Variants in PKHD1L1 observed in about 807,000 individuals in gnomAD.
PKHD1L1 encodes PKHD1 like 1.
In PKHD1L1, 434 loss-of-function variants were observed where a neutral mutation model predicts 462.9. The ratio of observed to expected loss-of-function variants is 0.94; its 90% CI spans 0.87 to 1.02. The LOEUF is 1.02. PKHD1L1 is among the 50% of genes least tolerant of loss of function. PKHD1L1 has a pLI of 0.00. For missense variants in PKHD1L1, 5,202 were observed against 5,096.1 expected (o/e 1.02, Z -0.63); for synonymous variants, 1,781 against 1,750.0 (o/e 1.02, Z -0.44).
At chr8:109,368,983 ATT>A (rs530600117) in intron 2 of PKHD1L1, among the ~76,000 whole-genome samples, 4 of 145,220 alleles carry the variant, frequency 2.8e-5, no homozygotes, top group Admixed American at 1.4e-4. Flanking sequence ...AGAATTACAT[ATT>A]TTTTTTTTTT....
chr8:109,492,819 T>C (rs531140833), intron 62 of PKHD1L1, among the ~76,000 whole-genome samples: 8 of 152,014 alleles, frequency 5.3e-5, no homozygotes, highest in African/African-American at 1.9e-4. Context: ...TTGACTGTTT[T>C]GCTGACACCA....
intron 2 of PKHD1L1, among the ~76,000 whole-genome samples, chr8:109,379,815 CAT>C (rs1812019238): frequency 6.6e-6 from 1 of 152,154 alleles, no homozygotes; most frequent in Non-Finnish European, 1.5e-5. Context: ...ATTCATCAAA[CAT>C]ATTTAGTATA....
chr8:109,399,131 G>T (rs1813124477), intron 12 of PKHD1L1, among the ~76,000 whole-genome samples: 1 of 151,986 alleles, frequency 6.6e-6, no homozygotes, highest in South Asian at 2.1e-4. Flanking sequence ...TCGTGTCATT[G>T]TTTCACATTT....
chr8:109,448,546 C>G (rs562671809), intron 39 of PKHD1L1, among the ~76,000 whole-genome samples, 155 bp downstream of exon 39: 1 of 149,420 alleles, frequency 6.7e-6, no homozygotes, highest in African/African-American at 2.5e-5. Context: ...GAGTCTCGCT[C>G]GGTCGCCCAG....
chr8:109,381,323 G>T, intron 2 of PKHD1L1, 47 bp from the exon 3 acceptor site: 1 of 1,473,468 alleles, frequency 6.8e-7, no homozygotes, highest in Non-Finnish European at 9.3e-7. Flanking sequence ...TTAGGTCTCT[G>T]AAGATAGAAT....
intron 46 of PKHD1L1, 79 bp downstream of exon 46, chr8:109,456,470 G>C (rs1486304902): frequency 1.5e-6 from 2 of 1,310,992 alleles, no homozygotes; most frequent in Admixed American, 6.5e-5. Context: ...AATTCAGATG[G>C]TGCATGACTA....
At position 109,518,369 on chromosome 8, in the gene PKHD1L1, G is replaced by A. The variant is rs1820379686; in HGVS notation, c.11892G>A (p.Leu3964=). The A allele has an allele frequency of 1.2e-6, 2 of 1,613,338 alleles. No homozygotes were observed. Among genetic ancestry groups the A allele is most frequent in the African/African-American group, 1.3e-5 (1 of 74,980 alleles). ...TSHNLVKNLA[L]FLKIPSDKIR... ...ACAATCTGGTTAAAAATCTTGCCTT[G>A]TTCCTAAAGATACCAAGTGACAAAA... Residue 3964 remains leucine (L), a synonymous_variant, in exon 73 of 78, where the codon TTG becomes TTA. Transcript: ENST00000378402.
intron 23 of PKHD1L1, among the ~76,000 whole-genome samples, chr8:109,421,569 T>A (rs1586475613): frequency 6.6e-6 from 1 of 151,792 alleles, no homozygotes; most frequent in African/African-American, 2.4e-5. Flanking sequence ...GATCATGAGG[T>A]CAGAAGATCG....
rs1057290316 is a variant in PKHD1L1, at chr8:109,535,068, T to C, written c.*4978T>C. On this transcript the variant is annotated 3_prime_UTR_variant, in exon 78 of 78. Transcript: ENST00000378402. Reference sequence around the variant, plus strand: ...CCTGCTTTTTGAGATTAAGAAATCTTTTAAAAATATTACAGAAACTGCACT... The same window carrying C: ...CCTGCTTTTTGAGATTAAGAAATCTCTTAAAAATATTACAGAAACTGCACT... Among the ~76,000 whole-genome samples the C allele has an allele frequency of 6.6e-6, 1 of 152,198 alleles. No individual in the cohort carries two copies. Among genetic ancestry groups the C allele is most frequent in the Non-Finnish European group, 1.5e-5 (1 of 68,044 alleles).
rs947035036 is a variant in PKHD1L1 at position 109,420,265 on chromosome 8, G to T, written c.2525-253G>T. ...AAATATTTGGTTTTTACTTGATAGG[G>T]TTCATATGTCAAAAGACATAGAGCT... is the stretch of plus-strand genomic sequence containing the variant. On this transcript the variant is annotated intron_variant, in intron 22 of 77. Coordinates refer to ENST00000378402, the MANE Select transcript of PKHD1L1 (RefSeq NM_177531.6). Among the ~76,000 whole-genome samples the T allele has an allele frequency of 2.2e-4, 34 of 152,174 alleles. 1 individual carries two copies. The highest frequency in any genetic ancestry group is 2.1e-3 in the Admixed American group (32 of 15,284).
In PKHD1L1 at chr8:109,404,859, C is replaced by T. The variant is rs1046851680; in HGVS notation, c.1534-136C>T. 73 of 1,137,112 alleles carry T rather than the reference C, an allele frequency of 6.4e-5. No homozygotes were observed. The South Asian group carries it at 9.9e-4, about 15-fold the overall frequency. The allele number at this position is 1,137,112 out of a possible 1,614,324, so 70.4% of individuals were successfully genotyped here. A position where few individuals can be genotyped will look rare whatever the true frequency, so the allele number is the denominator to read the frequency against. On this transcript the variant is annotated intron_variant, in intron 15 of 77. Coordinates refer to ENST00000378402, the MANE Select transcript of PKHD1L1 (RefSeq NM_177531.6). Reference sequence around the variant, plus strand: ...TAAATTATGACTTTGAGTATTTGTACGATAAGCCAAAAAGGCTGTTACTTG... The same window carrying T: ...TAAATTATGACTTTGAGTATTTGTATGATAAGCCAAAAAGGCTGTTACTTG...
intron 76 of PKHD1L1, among the ~76,000 whole-genome samples, chr8:109,524,222 A>C (rs897786544): frequency 6.6e-6 from 1 of 152,134 alleles, no homozygotes; most frequent in Non-Finnish European, 1.5e-5. Context: ...AGGGGCCTTA[A>C]CTTCTGAAAA....
chr8:109,483,469 G>A (rs978934804), intron 57 of PKHD1L1, among the ~76,000 whole-genome samples: 3 of 148,348 alleles, frequency 2.0e-5, no homozygotes, highest in Non-Finnish European at 4.5e-5. Context: ...GCTAATATAT[G>A]TAATATATGT....
intron 63 of PKHD1L1, among the ~76,000 whole-genome samples, chr8:109,495,926 C>A (rs988773945): frequency 1.3e-5 from 2 of 152,022 alleles, no homozygotes; most frequent in Non-Finnish European, 2.9e-5. Flanking sequence ...ATGAAAATCC[C>A]CTTTGTTGTA....
rs1436733416 is a variant in PKHD1L1, at chr8:109,442,070, C to T, written c.4268C>T (p.Ala1423Val). The change falls in exon 35 of 78, where the codon GCA becomes GTA. Residue 1423 changes from alanine (A) to valine (V), a missense_variant. This residue lies in a region of PKHD1L1 where 4,497 missense variants were observed against 4,336.8 expected (regional missense o/e 1.04). Coordinates refer to ENST00000378402, the MANE Select transcript of PKHD1L1 (RefSeq NM_177531.6). ...AATGTGTCTGTGGGGGACACAGTGG[C>T]ATGGCATTGGCAAACACATCCGTTT... ...VLNVSVGDTV[A>V]WHWQTHPFLR... The T allele has an allele frequency of 2.5e-6, 4 of 1,613,260 alleles. No homozygotes were observed. The highest frequency in any genetic ancestry group is 3.4e-6 in the Non-Finnish European group (4 of 1,179,570).
At chr8:109,489,500 G>A (rs932924451) in intron 59 of PKHD1L1, among the ~76,000 whole-genome samples, 1 of 151,942 alleles carries the variant, frequency 6.6e-6, no homozygotes, top group African/African-American at 2.4e-5. Context: ...TTCTGAAAGA[G>A]ATTATAAAAG....
At chr8:109,433,048 TAAC>T in intron 27 of PKHD1L1, 55 bp from the exon 28 acceptor site, 1 of 1,234,848 alleles carries the variant, frequency 8.1e-7, no homozygotes, top group South Asian at 1.3e-5. Context: ...TCTGATTTCA[TAAC>T]AACAGGTTTT....
rs750746403 is a variant in PKHD1L1 at position 109,497,077 on chromosome 8, A to G, written c.10476+10A>G. On this transcript the variant is annotated intron_variant, in intron 64 of 77. Coordinates refer to ENST00000378402, the MANE Select transcript of PKHD1L1 (RefSeq NM_177531.6). ...TGGAATTTATTTTCAGGTAATTATG[A>G]TTAAAGATGGTGATTGTTTATTTTC... 6.2e-7 allele frequency: 1 copy of G among 1,613,012 alleles called. No homozygotes were observed.
chr8:109,415,823 G>A (rs1280983498), intron 21 of PKHD1L1, among the ~76,000 whole-genome samples: 1 of 148,610 alleles, frequency 6.7e-6, no homozygotes, highest in Non-Finnish European at 1.5e-5. Flanking sequence ...ACTCCAGCCT[G>A]GGTGACAGAA....
Sources: allele counts gnomAD v4.1 joint callset (sites outside exome capture counted in the v4.1 genomes callset), GRCh38; gene constraint gnomAD v4.1.1; regional missense constraint gnomAD v4.1.1; transcripts MANE v1.5; gene names NCBI Gene and HGNC (gene_info 2026-07-23, HGNC 2026-07-21).